Variants in BBS4 observed in about 807,000 individuals in gnomAD.
BBS4 encodes BBSome complex member BBS4.
In BBS4, 58 loss-of-function variants were observed where a neutral mutation model predicts 71.4. That is an observed-to-expected ratio of 0.81 (90% CI 0.66 to 1.01). BBS4 has a LOEUF of 1.01. Among genes scored for constraint, BBS4 ranks in the 50% least tolerant of loss-of-function variants. The probability of loss-of-function intolerance (pLI) is 0.00; values close to 1 mark genes in which losing one functional copy is unlikely to be tolerated. For synonymous variants in BBS4, 228 were observed against 216.8 expected, an observed-to-expected ratio of 1.05 and a Z score of -0.46; for missense variants, 660 against 607.9, an observed-to-expected ratio of 1.09 and a Z score of -0.90.
rs112033903 is a variant in BBS4, at chr15:72,735,257, T to C, written c.1106+75T>C. ...CCATGAGGTGGTGCCATACATAGCA[T>C]TGGTGCTGCCTGTGTCAGCCCAGCT... is the stretch of plus-strand genomic sequence containing the variant. On this transcript the variant is annotated intron_variant, in intron 13 of 15. Transcript: ENST00000268057. The C allele has an allele frequency of 2.6e-4, 297 of 1,162,664 alleles. 1 individual carries two copies. The African/African-American group carries it at 3.6e-3, about 14-fold the overall frequency. The allele number at this position is 1,162,664 out of a possible 1,614,324, so 72.0% of individuals were successfully genotyped here.
At chr15:72,728,096 G>A (rs1239641241) in intron 9 of BBS4, 102 bp downstream of exon 9, 15 of 808,714 alleles carry the variant, frequency 1.9e-5, no homozygotes, top group African/African-American at 1.0e-4. Flanking sequence ...TTTATTAAAG[G>A]TCATATAAAG....
At chr15:72,700,708 C>A (rs4777528) in intron 2 of BBS4, among the ~76,000 whole-genome samples, 1 of 151,714 alleles carries the variant, frequency 6.6e-6, no homozygotes, top group African/African-American at 2.4e-5. Context: ...GTAAGTATTT[C>A]CCCCCAGCCT....
At chr15:72,725,915 ATCCCCCT>A (rs1364336344) in intron 8 of BBS4, among the ~76,000 whole-genome samples, 1 of 200 alleles carries the variant, frequency 5.0e-3, no homozygotes, top group Non-Finnish European at 9.8e-3. Context: ...CCCTTTCCCC[ATCCCCCT>A]TCCCCCTTTC....
chr15:72,706,002 G>C (rs1359431381), intron 2 of BBS4, among the ~76,000 whole-genome samples: 1 of 152,036 alleles, frequency 6.6e-6, no homozygotes, highest in Non-Finnish European at 1.5e-5. Context: ...GTAATACTTA[G>C]TATAAACTCA....
chr15:72,703,253 C>G (rs1469703249), intron 2 of BBS4, among the ~76,000 whole-genome samples: 1 of 152,130 alleles, frequency 6.6e-6, no homozygotes, highest in African/African-American at 2.4e-5. Context: ...GACCTTCAGG[C>G]CTCAGAGTCG....
chr15:72,715,356 C>G lies in BBS4; in HGVS notation c.286C>G (p.Leu96Val). Residue 96 changes from leucine to valine, a missense_variant, in exon 5 of 16, where the codon CTT becomes GTT. By Grantham distance (32) the Leu-to-Val change is conservative. Transcript: ENST00000268057. ...AGAACTCTTCCAGACATGTGCAGTT[C>G]TTAGTCCTCAGAGTGCTGATAACCT... is the stretch of plus-strand genomic sequence containing the variant. ...SLELFQTCAV[L>V]SPQSADNLKQ... is the part of the protein sequence containing the mutation. 6.2e-7 allele frequency: 1 copy of G among 1,614,122 alleles called. No homozygotes were observed. Among genetic ancestry groups the G allele is most frequent in the Non-Finnish European group, 8.5e-7 (1 of 1,179,986 alleles).
rs1491389178 is a variant in BBS4, at chr15:72,687,123, A to ATTTTTTTTTTTTTTTTTTTT, written c.24+872_24+873insTTTTTTTTTTTTTTTTTTTT. 1.6e-3 allele frequency among the ~76,000 whole-genome samples: 19 copies of ATTTTTTTTTTTTTTTTTTTT among 11,972 alleles called. 1 individual carries two copies. Among genetic ancestry groups the ATTTTTTTTTTTTTTTTTTTT allele is most frequent in the Non-Finnish European group, 3.2e-3 (12 of 3,760 alleles). 7.9% of individuals were successfully genotyped at this position (11,972 alleles called of 152,430 possible). A position where few individuals can be genotyped will look rare whatever the true frequency, so the allele number is the denominator to read the frequency against. ...TAATTAGAAAACTCTGAAGACAGAA[A>ATTTTTTTTTTTTTTTTTTTT]CTTTTTTTTTTGAGACGGAGTGTCG... On this transcript the variant is annotated intron_variant, in intron 1 of 15. Coordinates refer to ENST00000268057, the MANE Select transcript of BBS4 (RefSeq NM_033028.5).
chr15:72,702,764 G>A (rs2065193269), intron 2 of BBS4, among the ~76,000 whole-genome samples: 1 of 141,416 alleles, frequency 7.1e-6, no homozygotes, highest in African/African-American at 2.6e-5. Flanking sequence ...TCCATTCCTT[G>A]CCTTCTCTTC....
At chr15:72,718,617 T>C (rs1263820296) in intron 6 of BBS4, among the ~76,000 whole-genome samples, 1 of 152,240 alleles carries the variant, frequency 6.6e-6, no homozygotes, top group African/African-American at 2.4e-5. Context: ...ATGTTATAGC[T>C]AACAGCCAGA....
rs56056717 is a variant in BBS4, at chr15:72,737,774, C to T, written c.*187C>T. The T allele has an allele frequency of 1.3e-4, 79 of 627,492 alleles. No individual in the cohort carries two copies. The highest frequency in any genetic ancestry group is 2.2e-4 in the Non-Finnish European group (73 of 338,992). 38.9% of individuals were successfully genotyped at this position (627,492 alleles called of 1,614,324 possible). On this transcript the variant is annotated 3_prime_UTR_variant, in exon 16 of 16. Transcript: ENST00000268057. ...TGGTATTGGCATTTGAGGTCGGAAA[C>T]CCTCTACTGCCCCATAAGCCAGGAA...
At chr15:72,702,221 A>G (rs1045117819) in intron 2 of BBS4, among the ~76,000 whole-genome samples, 4 of 152,092 alleles carry the variant, frequency 2.6e-5, no homozygotes, top group Non-Finnish European at 5.9e-5. Flanking sequence ...TAATATTAGA[A>G]AATCCTTTAT....
intron 6 of BBS4, among the ~76,000 whole-genome samples, chr15:72,720,275 C>T (rs982369164): frequency 1.3e-5 from 2 of 151,482 alleles, no homozygotes; most frequent in Non-Finnish European, 2.9e-5. Flanking sequence ...CACTTGAGCC[C>T]AGGAGTCTGA....
intron 5 of BBS4, among the ~76,000 whole-genome samples, chr15:72,716,002 A>T (rs1378316955): frequency 6.6e-6 from 1 of 152,228 alleles, no homozygotes; most frequent in African/African-American, 2.4e-5. Flanking sequence ...AAATGTAGTT[A>T]AGAAAGTGGA....
At chr15:72,725,812 CCCCCATCCCCCTTT>C (rs2065671399) in intron 8 of BBS4, among the ~76,000 whole-genome samples, 2 of 3,990 alleles carry the variant, frequency 5.0e-4, no homozygotes, top group African/African-American at 1.2e-3. Flanking sequence ...CATCCCCCTT[CCCCCATCCCCCTTT>C]CCCCATCCCC....
chr15:72,722,120 A>T (rs1219834655), intron 6 of BBS4, among the ~76,000 whole-genome samples: 1 of 152,248 alleles, frequency 6.6e-6, no homozygotes, highest in East Asian at 1.9e-4. Flanking sequence ...CCATACAAAA[A>T]CAATAGTTGT....
chr15:72,689,078 A>G (rs900202731), intron 1 of BBS4, among the ~76,000 whole-genome samples: 1 of 152,152 alleles, frequency 6.6e-6, no homozygotes, highest in African/African-American at 2.4e-5. Context: ...AGGGACTTCC[A>G]TGGTGTACAT....
intron 14 of BBS4, among the ~76,000 whole-genome samples, chr15:72,736,430 C>T (rs572078142): frequency 4.0e-5 from 6 of 151,878 alleles, no homozygotes; most frequent in East Asian, 1.9e-4. Flanking sequence ...TTAGTAGAGA[C>T]GGGGTTTCAC....
chr15:72,706,592 G>GA (rs1244225023), intron 2 of BBS4, among the ~76,000 whole-genome samples: 1 of 152,132 alleles, frequency 6.6e-6, no homozygotes, highest in African/African-American at 2.4e-5. Context: ...AAGCCTAGGG[G>GA]AAGAAAAGAA....
intron 12 of BBS4, among the ~76,000 whole-genome samples, chr15:72,732,443 T>G (rs2065843554): frequency 6.6e-6 from 1 of 152,238 alleles, no homozygotes. Flanking sequence ...TGACTAGTCT[T>G]TCTAGGAATT....
Sources: allele counts gnomAD v4.1 joint callset (sites outside exome capture counted in the v4.1 genomes callset), GRCh38; gene constraint gnomAD v4.1.1; transcripts MANE v1.5; gene names NCBI Gene and HGNC (gene_info 2026-07-23, HGNC 2026-07-21).